Variants in KMT2E observed in about 807,000 individuals in gnomAD.
KMT2E encodes lysine methyltransferase 2E (inactive), also known as histone reader KMT2E.
A neutral mutation model predicts 184.6 loss-of-function variants in KMT2E; 30 were observed. The ratio of observed to expected loss-of-function variants is 0.16; its 90% confidence interval spans 0.12 to 0.22. The LOEUF is 0.22. KMT2E is among the 10% of genes least tolerant of loss of function. The pLI is 1.00. For synonymous variants in KMT2E, 815 were observed against 776.5 expected (o/e 1.05, Z -0.82); for missense variants, 2,023 against 2,237.4 (o/e 0.90, Z 1.93).
chr7:105,097,552 A>G (rs912073450), intron 15 of KMT2E, among the ~76,000 whole-genome samples: 2 of 151,890 alleles, frequency 1.3e-5, no homozygotes, highest in Non-Finnish European at 2.9e-5. Flanking sequence ...CGCCTGGCTA[A>G]TTTTTTGTAT....
intron 6 of KMT2E, among the ~76,000 whole-genome samples, chr7:105,070,665 T>A (rs1054281335): frequency 1.4e-5 from 2 of 146,176 alleles, no homozygotes; most frequent in South Asian, 4.3e-4. Context: ...AAGCAAAGAT[T>A]AGCTGGATAA....
chr7:105,017,742 A>G (rs1794777640), intron 1 of KMT2E, among the ~76,000 whole-genome samples: 1 of 152,178 alleles, frequency 6.6e-6, no homozygotes, highest in Admixed American at 6.5e-5. Flanking sequence ...GGATTTGTAG[A>G]GAACTATAAT....
chr7:105,036,758 C>T (rs1478327069), intron 1 of KMT2E, among the ~76,000 whole-genome samples: 1 of 152,108 alleles, frequency 6.6e-6, no homozygotes, highest in Admixed American at 6.6e-5. Flanking sequence ...AATGCTAGCT[C>T]AGTTGTAGAA....
rs758362004 is a variant in KMT2E at position 105,106,009 on chromosome 7, AT to A, written c.2596+15del. On this transcript the variant is annotated splice_region_variant and intron_variant, in intron 19 of 26. Coordinates refer to ENST00000311117, the MANE Select transcript of KMT2E (RefSeq NM_182931.3). ...TGACAGCTGTTCCCTTCCAGGTAGAATTTTTTTTTCAGAGTTTTGGTTTGAG... is the reference window on the plus strand; with the variant it reads ...TGACAGCTGTTCCCTTCCAGGTAGAATTTTTTTTCAGAGTTTTGGTTTGAG... The A allele has an allele frequency of 4.5e-5, 71 of 1,590,330 alleles. No individual in the cohort carries two copies. In the African/African-American group the frequency reaches 7.7e-4, roughly 17 times the overall value.
At chr7:105,025,241 G>A (rs1277239911) in intron 1 of KMT2E, among the ~76,000 whole-genome samples, 1 of 152,038 alleles carries the variant, frequency 6.6e-6, no homozygotes, top group Non-Finnish European at 1.5e-5. Context: ...ACTTCTTTGG[G>A]CAATGTTTTC....
At chr7:105,016,845 A>G (rs1794735310) in intron 1 of KMT2E, among the ~76,000 whole-genome samples, 1 of 152,242 alleles carries the variant, frequency 6.6e-6, no homozygotes, top group South Asian at 2.1e-4. Flanking sequence ...AACTAGGTTG[A>G]TAAGGTTCTA....
rs1385460040 is a variant in KMT2E, at chr7:105,074,730, T to C, written c.644T>C (p.Leu215Ser). Residue 215 changes from leucine to serine, a missense_variant, in exon 8 of 27, where the codon TTA becomes TCA. By Grantham distance (145) the Leu-to-Ser change is moderately radical. Transcript: ENST00000311117. ...AFQHTPTSITLTASRVSKVND... is the reference protein window; with the variant it reads ...AFQHTPTSITSTASRVSKVND... ...CAGCATACTCCAACATCAATTACTT[T>C]AACTGCTTCAAGAGTTTCCAAAGTT... The C allele has an allele frequency of 6.2e-7, 1 of 1,611,684 alleles. No individual in the cohort carries two copies. The highest frequency in any genetic ancestry group is 8.5e-7 in the Non-Finnish European group (1 of 1,179,022).
intron 20 of KMT2E, 93 bp downstream of exon 20, chr7:105,106,865 C>A: frequency 1.7e-6 from 2 of 1,208,558 alleles, no homozygotes; most frequent in Non-Finnish European, 2.3e-6. Context: ...AACTAGTGTG[C>A]TGAGAATACA....
chr7:105,102,976 A>G (rs1174780432), intron 17 of KMT2E: 2 of 152,220 alleles, frequency 1.3e-5, no homozygotes, highest in East Asian at 3.8e-4. Flanking sequence ...AGCACAAGTT[A>G]AATAATTTAC....
At chr7:105,062,446 A>T (rs556416653) in intron 4 of KMT2E, among the ~76,000 whole-genome samples, 168 bp downstream of exon 4, 1 of 152,248 alleles carries the variant, frequency 6.6e-6, no homozygotes, top group Non-Finnish European at 1.5e-5. Flanking sequence ...TTAAAGTTCT[A>T]TAAAAGTGAA....
In KMT2E at chr7:105,031,796, A is replaced by G. The variant is rs150262350; in HGVS notation, c.-188-6330A>G. Among the ~76,000 whole-genome samples, 473 of 151,574 alleles carry G rather than the reference A, an allele frequency of 3.1e-3. 1 individual carries two copies. The highest frequency in any genetic ancestry group is 0.011 in the African/African-American group (447 of 41,316). ...ATAAATAAATAAATAAAGGCCAGGC[A>G]TGGTGGCTCATGCCTGTAATCCCTG... On this transcript the variant is annotated intron_variant, in intron 1 of 26. Coordinates refer to ENST00000311117, the MANE Select transcript of KMT2E (RefSeq NM_182931.3).
At chr7:105,055,432 G>T (rs1796539939) in intron 3 of KMT2E, among the ~76,000 whole-genome samples, 1 of 151,912 alleles carries the variant, frequency 6.6e-6, no homozygotes, top group African/African-American at 2.4e-5. Context: ...ACTAGTCCTT[G>T]TCTATTCTCA....
At position 105,105,603 on chromosome 7, in the gene KMT2E, T is replaced by C. The variant is rs751775631; in HGVS notation, c.2361T>C (p.Pro787=). ...LTYSPHVYST[P]KHYIRFTSPF... is the part of the protein sequence containing the mutation. ...ACAGCCCCCATGTATACTCCACTCC[T>C]AAGCATTATATTAGATTTACTTCAC... The change falls in exon 18 of 27, where the codon CCT becomes CCC. Residue 787 remains proline (P), a synonymous_variant. Coordinates refer to ENST00000311117, the MANE Select transcript of KMT2E (RefSeq NM_182931.3). The C allele has an allele frequency of 6.2e-7, 1 of 1,613,608 alleles. No homozygotes were observed. The highest frequency in any genetic ancestry group is 1.1e-5 in the South Asian group (1 of 91,044).
intron 3 of KMT2E, among the ~76,000 whole-genome samples, chr7:105,048,710 T>C (rs961428165): frequency 2.0e-5 from 3 of 152,230 alleles, no homozygotes; most frequent in African/African-American, 7.2e-5. Context: ...TGCAATGATA[T>C]GGTTTCTGTT....
intron 1 of KMT2E, among the ~76,000 whole-genome samples, chr7:105,022,415 G>A (rs4727618): frequency 0.59 from 89,357 of 151,558 alleles, 28,088 homozygotes; most frequent in East Asian, 0.92. Context: ...CATTATTCAG[G>A]TTATACATTT....
At chr7:105,025,120 CAT>C (rs1290865358) in intron 1 of KMT2E, among the ~76,000 whole-genome samples, 3 of 152,022 alleles carry the variant, frequency 2.0e-5, no homozygotes, top group Admixed American at 6.6e-5. Context: ...GTAAAAGTAA[CAT>C]ATGTTTATTA....
At chr7:105,031,921 CTA>C (rs1355810381) in intron 1 of KMT2E, among the ~76,000 whole-genome samples, 2 of 148,902 alleles carry the variant, frequency 1.3e-5, no homozygotes, top group East Asian at 4.0e-4. Context: ...AATACAAAAA[CTA>C]TCTGGGCATG....
At chr7:105,083,261 C>G (rs1456655749) in intron 13 of KMT2E, among the ~76,000 whole-genome samples, 1 of 152,112 alleles carries the variant, frequency 6.6e-6, no homozygotes, top group Non-Finnish European at 1.5e-5. Flanking sequence ...GGGTTCTGTT[C>G]CATAGTGTTG....
intron 15 of KMT2E, among the ~76,000 whole-genome samples, chr7:105,094,774 T>C (rs751167660): frequency 6.6e-6 from 1 of 152,196 alleles, no homozygotes; most frequent in Non-Finnish European, 1.5e-5. Context: ...TTGAGAGAGA[T>C]ATCACATTCA....
Sources: allele counts gnomAD v4.1 joint callset (sites outside exome capture counted in the v4.1 genomes callset), GRCh38; gene constraint gnomAD v4.1.1; transcripts MANE v1.5; gene names NCBI Gene and HGNC (gene_info 2026-07-23, HGNC 2026-07-21).